Variants in SCFD1 observed in about 807,000 individuals in gnomAD.
SCFD1 encodes the protein sec1 family domain-containing protein 1.
Under a neutral mutation model 103.2 loss-of-function variants are expected in SCFD1, and 37 were observed. That is an observed-to-expected ratio of 0.36 (90% CI 0.28 to 0.47). The LOEUF (loss-of-function observed/expected upper bound fraction) is 0.47. Among genes scored for constraint, SCFD1 ranks in the 20% least tolerant of loss-of-function variants. The pLI is 1.00. For synonymous variants in SCFD1, 264 were observed against 245.0 expected, an observed-to-expected ratio of 1.08 and a Z score of -0.73; for missense variants, 639 against 761.2, an observed-to-expected ratio of 0.84 and a Z score of 1.89.
At chr14:30,723,711 C>A (rs1202148368) in intron 23 of SCFD1, among the ~76,000 whole-genome samples, 2 of 152,190 alleles carry the variant, frequency 1.3e-5, no homozygotes, top group Non-Finnish European at 2.9e-5. Context: ...ATCTATGTCC[C>A]TGCAAAGAAC....
chr14:30,630,716 C>G, intron 3 of SCFD1, 151 bp downstream of exon 3: 1 of 578,272 alleles, frequency 1.7e-6, no homozygotes, highest in East Asian at 3.0e-5. Context: ...TAAAAAAATC[C>G]TCAGTCTGAG....
At chr14:30,644,461 T>C (rs8019637) in intron 7 of SCFD1, among the ~76,000 whole-genome samples, 49,468 of 152,094 alleles carry the variant, frequency 0.33, 9,133 homozygotes, top group East Asian at 0.62. Flanking sequence ...TTTACATTCC[T>C]ACCAACAGCG....
chr14:30,702,670 T>C (rs1022333609), intron 17 of SCFD1, among the ~76,000 whole-genome samples: 1 of 152,196 alleles, frequency 6.6e-6, no homozygotes, highest in Non-Finnish European at 1.5e-5. Flanking sequence ...GAGGAAATTT[T>C]AATTTGACTA....
At chr14:30,727,655 T>G (rs957225865) in intron 23 of SCFD1, among the ~76,000 whole-genome samples, 1 of 152,242 alleles carries the variant, frequency 6.6e-6, no homozygotes, top group African/African-American at 2.4e-5. Flanking sequence ...TTTGCATTAT[T>G]CATTTATTGG....
At chr14:30,682,445 AC>A (rs1889562502) in intron 14 of SCFD1, among the ~76,000 whole-genome samples, 2 of 152,234 alleles carry the variant, frequency 1.3e-5, no homozygotes, top group Admixed American at 6.5e-5. Flanking sequence ...ATAATTTTTC[AC>A]ATTGACAAAT....
chr14:30,677,678 T>G (rs1216497122), intron 14 of SCFD1, among the ~76,000 whole-genome samples: 1 of 152,096 alleles, frequency 6.6e-6, no homozygotes, highest in African/African-American at 2.4e-5. Flanking sequence ...GGCATGTTTA[T>G]TTATACCATT....
chr14:30,677,377 A>G lies in SCFD1; in HGVS notation c.1242+2312A>G, dbSNP rs548953103. ...ATCTTGCTAATGATCCTTTTTCATC[A>G]TAAGATCTGATTTAAACAAAGTGTG... On this transcript the variant is annotated intron_variant, in intron 14 of 24. Coordinates refer to ENST00000458591, the MANE Select transcript of SCFD1 (RefSeq NM_016106.4). Among the ~76,000 whole-genome samples the G allele has an allele frequency of 4.6e-5, 7 of 152,264 alleles. No homozygotes were observed. In the East Asian group the frequency reaches 1.4e-3, roughly 29 times the overall value.
At chr14:30,714,211 G>A (rs1017069062) in intron 19 of SCFD1, among the ~76,000 whole-genome samples, 1 of 150,854 alleles carries the variant, frequency 6.6e-6, no homozygotes. Flanking sequence ...AAAATTAGCC[G>A]GGCGCAGTGG....
At chr14:30,667,170 A>G (rs577485044) in intron 10 of SCFD1, among the ~76,000 whole-genome samples, 1 of 152,348 alleles carries the variant, frequency 6.6e-6, no homozygotes, top group African/African-American at 2.4e-5. Flanking sequence ...AATACTGGCA[A>G]AGCAAATCCA....
rs1319896402 is a variant in SCFD1, at chr14:30,669,438, C to T, written c.856-818C>T. 5.3e-5 allele frequency among the ~76,000 whole-genome samples: 8 copies of T among 152,006 alleles called. No individual in the cohort carries two copies. In the South Asian group the frequency reaches 1.7e-3, roughly 32 times the overall value. ...AAAATGCTGCTATTTGTGAGGGAAC[C>T]CATAGATGTAATGCAAGAAGTTGGG... On this transcript the variant is annotated intron_variant, in intron 10 of 24. Coordinates refer to ENST00000458591, the MANE Select transcript of SCFD1 (RefSeq NM_016106.4).
chr14:30,625,981 T>A (rs1265729129), intron 1 of SCFD1, among the ~76,000 whole-genome samples: 1 of 151,986 alleles, frequency 6.6e-6, no homozygotes, highest in Non-Finnish European at 1.5e-5. Flanking sequence ...GAACAGCTGT[T>A]CCCAGAAACA....
intron 1 of SCFD1, among the ~76,000 whole-genome samples, chr14:30,623,167 T>C (rs1325407159): frequency 6.6e-6 from 1 of 152,188 alleles, no homozygotes; most frequent in African/African-American, 2.4e-5. Flanking sequence ...AACTAAAGGT[T>C]TATACTTGTT....
At chr14:30,674,192 T>C (rs1050860891) in intron 13 of SCFD1, among the ~76,000 whole-genome samples, 195 bp downstream of exon 13, 1 of 152,196 alleles carries the variant, frequency 6.6e-6, no homozygotes. Flanking sequence ...TATAGGAGAT[T>C]ATTCATTCTT....
chr14:30,720,772 C>G (rs1053686993), intron 21 of SCFD1, among the ~76,000 whole-genome samples: 1 of 152,074 alleles, frequency 6.6e-6, no homozygotes, highest in African/African-American at 2.4e-5. Flanking sequence ...AAACACTACA[C>G]CATTTTACAT....
intron 10 of SCFD1, 119 bp downstream of exon 10, chr14:30,653,707 T>A (rs889407374): frequency 4.8e-6 from 3 of 629,410 alleles, no homozygotes; most frequent in Non-Finnish European, 8.1e-6. Context: ...CTGAGACCTA[T>A]GAACAAAACA....
chr14:30,731,392 T>G (rs572536433), intron 23 of SCFD1, among the ~76,000 whole-genome samples: 1 of 152,288 alleles, frequency 6.6e-6, no homozygotes, highest in East Asian at 1.9e-4. Flanking sequence ...GTGAAGAAAG[T>G]CATTGGTAGC....
intron 10 of SCFD1, among the ~76,000 whole-genome samples, chr14:30,664,173 T>C (rs1887703217): frequency 1.3e-5 from 2 of 152,204 alleles, no homozygotes; most frequent in South Asian, 4.1e-4. Flanking sequence ...GAGATGAAGC[T>C]TCCAGAGGAA....
Position 30,622,338 on chromosome 14 carries a change from G to A in SCFD1, c.-1G>A, listed in dbSNP as rs1447413086. On this transcript the variant is annotated 5_prime_UTR_variant, in exon 1 of 25. Transcript: ENST00000458591. ...CCGGGCAGTGGCTCGTGGGAGCCAA[G>A]ATGGCGGCGGCGGCGGCAGCGACAG... The A allele has an allele frequency of 6.3e-7, 1 of 1,577,516 alleles. No homozygotes were observed. The highest frequency in any genetic ancestry group is 8.6e-7 in the Non-Finnish European group (1 of 1,162,600).
intron 10 of SCFD1, among the ~76,000 whole-genome samples, chr14:30,662,081 G>T (rs1887504492): frequency 6.6e-6 from 1 of 152,116 alleles, no homozygotes; most frequent in South Asian, 2.1e-4. Flanking sequence ...AGAAATAATT[G>T]TGATTTACAG....
Sources: allele counts gnomAD v4.1 joint callset (sites outside exome capture counted in the v4.1 genomes callset), GRCh38; gene constraint gnomAD v4.1.1; transcripts MANE v1.5; gene names NCBI Gene and HGNC (gene_info 2026-07-23, HGNC 2026-07-21).